STON1: variants seen among roughly 807,000 people sequenced by gnomAD.
STON1 encodes stonin 1.
A neutral mutation model predicts 60.9 loss-of-function variants in STON1; 79 were observed. The observed-to-expected ratio is 1.30, with a 90% confidence interval of 1.08 to 1.56. The LOEUF (loss-of-function observed/expected upper bound fraction) is 1.56. Ranked by LOEUF, STON1 falls within the 40% of genes most tolerant of loss-of-function variation. The pLI is 0.00. For synonymous variants in STON1, 363 were observed against 306.9 expected, an observed-to-expected ratio of 1.18 and a Z score of -1.91; for missense variants, 1,166 against 858.9, an observed-to-expected ratio of 1.36 and a Z score of -4.47.
At chr2:48,569,217 ATAGT>A (rs1221648269) in intron 1 of STON1, 4 of 152,224 alleles carry the variant, frequency 2.6e-5, no homozygotes, top group African/African-American at 9.6e-5. Context: ...CCATGAACAC[ATAGT>A]TATTTGATAA....
chr2:48,589,221 T>G (rs1218379199), intron 2 of STON1, among the ~76,000 whole-genome samples: 1 of 152,198 alleles, frequency 6.6e-6, no homozygotes, highest in African/African-American at 2.4e-5. Flanking sequence ...CCTTCGGCCC[T>G]CTAACAGTTC....
intron 1 of STON1, among the ~76,000 whole-genome samples, chr2:48,571,156 T>A (rs998120522): frequency 1.2e-4 from 18 of 152,316 alleles, no homozygotes; most frequent in African/African-American, 4.3e-4. Flanking sequence ...GTGACTGGCC[T>A]TGTCTCTGAA....
intron 3 of STON1, 142 bp downstream of exon 3, chr2:48,591,997 T>G (rs1055595142): frequency 1.7e-6 from 2 of 1,149,922 alleles, no homozygotes; most frequent in African/African-American, 3.1e-5. Context: ...CTATGGAAAC[T>G]TGATGGCCAC....
At chr2:48,533,109 C>T (rs539533779) in intron 1 of STON1, among the ~76,000 whole-genome samples, 2 of 152,114 alleles carry the variant, frequency 1.3e-5, no homozygotes, top group African/African-American at 2.4e-5. Context: ...ATGGGCCGGG[C>T]GCGGTGGCTT....
chr2:48,570,814 C>A (rs1247586005), intron 1 of STON1, among the ~76,000 whole-genome samples: 2 of 145,166 alleles, frequency 1.4e-5, no homozygotes, highest in Non-Finnish European at 3.0e-5. Flanking sequence ...GGGCCTCATT[C>A]AGAATCTTGA....
chr2:48,536,423 C>G (rs941218161), intron 1 of STON1, among the ~76,000 whole-genome samples: 9 of 151,678 alleles, frequency 5.9e-5, no homozygotes, highest in Non-Finnish European at 1.0e-4. Context: ...TGGTGGGTGC[C>G]TATAATCCCA....
At chr2:48,574,235 G>A (rs972893681) in intron 1 of STON1, among the ~76,000 whole-genome samples, 4 of 152,062 alleles carry the variant, frequency 2.6e-5, no homozygotes, top group African/African-American at 7.2e-5. Context: ...AATTAGCCGG[G>A]TGTGGTGGCG....
chr2:48,582,655 G>C, intron 2 of STON1, 92 bp downstream of exon 2: 1 of 1,503,932 alleles, frequency 6.6e-7, no homozygotes, highest in Non-Finnish European at 8.9e-7. Context: ...AGAGACAGAT[G>C]GCAATTTGTC....
At chr2:48,589,647 A>T (rs536373879) in intron 2 of STON1, among the ~76,000 whole-genome samples, 83 of 152,310 alleles carry the variant, frequency 5.4e-4, no homozygotes, top group African/African-American at 2.0e-3. Flanking sequence ...TTTGTTTCTG[A>T]CATTTTTTGT....
At chr2:48,568,219 C>T (rs1673030684) in intron 1 of STON1, among the ~76,000 whole-genome samples, 1 of 152,106 alleles carries the variant, frequency 6.6e-6, no homozygotes, top group South Asian at 2.1e-4. Flanking sequence ...GGCATCAGTC[C>T]TCCCCCAACA....
chr2:48,547,489 A>G (rs1011003866), intron 1 of STON1, among the ~76,000 whole-genome samples: 3 of 152,222 alleles, frequency 2.0e-5, no homozygotes, highest in Non-Finnish European at 2.9e-5. Context: ...GGCCAGGATG[A>G]GAAGCCCTGA....
rs561583356 is a variant in STON1, at chr2:48,530,164, G to T, written c.-100G>T. On this transcript the variant is annotated 5_prime_UTR_variant, in exon 1 of 4. Coordinates refer to ENST00000404752, the MANE Select transcript of STON1 (RefSeq NM_006873.4). ...CTCCTCCTCCCCCTCCTCTTCCTCC[G>T]CCTCCTGGTGTGGCTGGCTGCGGCC... 3.8e-3 allele frequency: 1,169 copies of T among 306,032 alleles called. 7 individuals carry two copies. The highest frequency in any genetic ancestry group is 0.035 in the African/African-American group (1,021 of 29,016). 19.0% of individuals were successfully genotyped at this position (306,032 alleles called of 1,614,324 possible).
chr2:48,580,732 T>G lies in STON1; in HGVS notation c.99T>G (p.Gly33=). Residue 33 remains glycine (G), a synonymous_variant, in exon 2 of 4, where the codon GGT becomes GGG. Transcript: ENST00000404752. ...KSKNFPLENQ[G]VCRPNGLKLN... is the part of the protein sequence containing the mutation. Reference sequence around the variant, plus strand: ...AGAATTTTCCTCTGGAGAATCAAGGTGTCTGTAGACCAAATGGACTGAAGC... The same window carrying G: ...AGAATTTTCCTCTGGAGAATCAAGGGGTCTGTAGACCAAATGGACTGAAGC... 6.6e-7 allele frequency: 1 copy of G among 1,512,566 alleles called. No individual in the cohort carries two copies. The highest frequency in any genetic ancestry group is 8.8e-7 in the Non-Finnish European group (1 of 1,130,298). The allele number at this position is 1,512,566 out of a possible 1,614,324, so 93.7% of individuals were successfully genotyped here.
intron 1 of STON1, among the ~76,000 whole-genome samples, chr2:48,562,564 C>T (rs555855161): frequency 1.3e-5 from 2 of 152,120 alleles, no homozygotes; most frequent in African/African-American, 4.8e-5. Context: ...CAAAGTGAGG[C>T]CAAAAGATAC....
intron 1 of STON1, among the ~76,000 whole-genome samples, chr2:48,575,035 T>G (rs1223341556): frequency 6.6e-6 from 1 of 152,238 alleles, no homozygotes; most frequent in Non-Finnish European, 1.5e-5. Flanking sequence ...CTACTCCCAG[T>G]TCCTGGCAAA....
chr2:48,574,716 A>G lies in STON1; in HGVS notation c.-47-5871A>G, dbSNP rs115525507. Among the ~76,000 whole-genome samples the G allele has an allele frequency of 1.2e-3, 190 of 152,290 alleles. 1 individual carries two copies. The highest frequency in any genetic ancestry group is 4.3e-3 in the African/African-American group (179 of 41,576). ...AACCTCACATATTTTTGGACTGTCAATGGGTTATAAGTTCATTATAAATTG... is the reference window on the plus strand; with the variant it reads ...AACCTCACATATTTTTGGACTGTCAGTGGGTTATAAGTTCATTATAAATTG... On this transcript the variant is annotated intron_variant, in intron 1 of 3. Coordinates refer to ENST00000404752, the MANE Select transcript of STON1 (RefSeq NM_006873.4).
chr2:48,568,183 TC>T (rs1673029599), intron 1 of STON1, among the ~76,000 whole-genome samples: 1 of 152,086 alleles, frequency 6.6e-6, no homozygotes, highest in Admixed American at 6.5e-5. Flanking sequence ...GATGATGCCT[TC>T]CTGAGCTCTG....
chr2:48,574,716 A>T (rs115525507), intron 1 of STON1, among the ~76,000 whole-genome samples: 1 of 152,172 alleles, frequency 6.6e-6, no homozygotes, highest in Non-Finnish European at 1.5e-5. Context: ...TGGACTGTCA[A>T]TGGGTTATAA....
intron 1 of STON1, among the ~76,000 whole-genome samples, chr2:48,550,305 C>T (rs1672044814): frequency 6.6e-6 from 1 of 151,906 alleles, no homozygotes; most frequent in South Asian, 2.1e-4. Context: ...TGAGACCAGC[C>T]TGATCAACAT....
Sources: allele counts gnomAD v4.1 joint callset (sites outside exome capture counted in the v4.1 genomes callset), GRCh38; gene constraint gnomAD v4.1.1; transcripts MANE v1.5; gene names NCBI Gene and HGNC (gene_info 2026-07-23, HGNC 2026-07-21).